The following AK4 variants were observed in gnomAD, a reference collection of about 807,000 sequenced individuals.
The protein encoded by AK4 is adenylate kinase 4, mitochondrial.
In AK4, 13 loss-of-function variants were observed where a neutral mutation model predicts 24.6. That is an observed-to-expected ratio of 0.53 (90% CI 0.34 to 0.84). The LOEUF is 0.84. AK4 is among the 40% of genes least tolerant of loss of function. The pLI is 0.01. For synonymous variants in AK4, 88 were observed against 107.0 expected, an observed-to-expected ratio of 0.82 and a Z score of 1.10; for missense variants, 192 against 288.2, an observed-to-expected ratio of 0.67 and a Z score of 2.42.
At chr1:65,178,284 ACTGCATAT>A (rs1484645797) in intron 1 of AK4, among the ~76,000 whole-genome samples, 2 of 152,204 alleles carry the variant, frequency 1.3e-5, no homozygotes, top group Non-Finnish European at 2.9e-5. Flanking sequence ...GTACAAGGCC[ACTGCATAT>A]GATTGTACAA....
chr1:65,158,533 G>A (rs1650050459), intron 1 of AK4, among the ~76,000 whole-genome samples: 1 of 152,056 alleles, frequency 6.6e-6, no homozygotes, highest in Admixed American at 6.6e-5. Flanking sequence ...CGGAGCCTCA[G>A]TCTGTTGCCC....
rs1652516649 is a variant in AK4, at chr1:65,227,982, G to GA, written c.*1807dup. 6.9e-6 allele frequency: 1 copy of GA among 144,192 alleles called. No homozygotes were observed. The highest frequency in any genetic ancestry group is 2.2e-4 in the South Asian group (1 of 4,648). The allele number at this position is 144,192 out of a possible 1,614,324, so 8.9% of individuals were successfully genotyped here. On this transcript the variant is annotated 3_prime_UTR_variant, in exon 5 of 5. Coordinates refer to ENST00000327299, the MANE Select transcript of AK4 (RefSeq NM_013410.4). ...GCAGTGAAAATGCCCAGTCAGGTCT[G>GA]AATCGTCAGTGCATTATATTGACTC... is the stretch of plus-strand genomic sequence containing the variant.
rs114165260 is a variant in AK4, at chr1:65,152,135, A to G, written c.145+3583A>G. 8.6e-3 allele frequency among the ~76,000 whole-genome samples: 1,305 copies of G among 152,030 alleles called. 21 individuals are homozygous for G. The highest frequency in any genetic ancestry group is 0.03 in the African/African-American group (1,248 of 41,454). ...TAATGATAGATTCTTTTATTGGGTC[A>G]TATCTAAAGGATATGCAAATCCTGT... is the stretch of plus-strand genomic sequence containing the variant. On this transcript the variant is annotated intron_variant, in intron 1 of 4. Transcript: ENST00000327299.
At chr1:65,181,251 C>T (rs1650895492) in intron 1 of AK4, among the ~76,000 whole-genome samples, 1 of 151,798 alleles carries the variant, frequency 6.6e-6, no homozygotes, top group African/African-American at 2.4e-5. Flanking sequence ...CCATCTCTCT[C>T]CTCCAGCACT....
intron 2 of AK4, among the ~76,000 whole-genome samples, chr1:65,203,039 A>G (rs1287432053): frequency 2.0e-5 from 3 of 151,870 alleles, no homozygotes; most frequent in East Asian, 3.9e-4. Flanking sequence ...CGCCTGGCCA[A>G]TTTTAAAACT....
intron 2 of AK4, among the ~76,000 whole-genome samples, chr1:65,202,884 TTTTTTA>T (rs1651705626): frequency 7.2e-6 from 1 of 138,912 alleles, no homozygotes. Flanking sequence ...TTTTTTTTTT[TTTTTTA>T]AGATGGGGTT....
At chr1:65,187,135 G>A (rs1435193839) in intron 1 of AK4, among the ~76,000 whole-genome samples, 4 of 152,016 alleles carry the variant, frequency 2.6e-5, no homozygotes, top group African/African-American at 7.2e-5. Context: ...TGAGGCGGGC[G>A]GATCATGAGG....
intron 3 of AK4, 104 bp downstream of exon 3, chr1:65,219,030 A>G: frequency 1.2e-6 from 1 of 811,834 alleles, no homozygotes; most frequent in Non-Finnish European, 1.7e-6. Context: ...AAAAAGAACA[A>G]ATCTACATGA....
intron 3 of AK4, among the ~76,000 whole-genome samples, chr1:65,224,325 T>G (rs1277024230): frequency 6.6e-6 from 1 of 152,202 alleles, no homozygotes; most frequent in South Asian, 2.1e-4. Flanking sequence ...TTAGTATTTT[T>G]CCTAAGTAAG....
intron 2 of AK4, among the ~76,000 whole-genome samples, chr1:65,216,978 G>A (rs1426176296): frequency 6.6e-6 from 1 of 152,214 alleles, no homozygotes; most frequent in East Asian, 1.9e-4. Context: ...TGAGATTACA[G>A]GTGTGAGCGA....
chr1:65,186,328 C>T (rs192080827), intron 1 of AK4, among the ~76,000 whole-genome samples: 6 of 152,084 alleles, frequency 3.9e-5, no homozygotes, highest in East Asian at 1.9e-4. Context: ...AGTAGGGCAA[C>T]GAGTTGCCCA....
At chr1:65,213,252 G>A (rs971906792) in intron 2 of AK4, among the ~76,000 whole-genome samples, 2 of 152,162 alleles carry the variant, frequency 1.3e-5, no homozygotes, top group African/African-American at 4.8e-5. Flanking sequence ...AAACCTCACC[G>A]TGATAAGGTA....
At chr1:65,195,693 G>A (rs1651444908) in intron 2 of AK4, among the ~76,000 whole-genome samples, 1 of 152,140 alleles carries the variant, frequency 6.6e-6, no homozygotes. Context: ...GAGGGGCAAA[G>A]TGAGCAAATA....
chr1:65,220,755 T>C lies in AK4; in HGVS notation c.438+1829T>C, dbSNP rs1652271303. 2.6e-5 allele frequency among the ~76,000 whole-genome samples: 4 copies of C among 152,296 alleles called. No homozygotes were observed. In the South Asian group the frequency reaches 8.3e-4, roughly 32 times the overall value. On this transcript the variant is annotated intron_variant, in intron 3 of 4. Transcript: ENST00000327299. ...CCTCCCAAAGTGCTGAGATGACAGG[T>C]ACGAGCCACTGCGCATGGCCCTGAA...
intron 1 of AK4, among the ~76,000 whole-genome samples, chr1:65,190,118 A>G (rs1273145019): frequency 6.6e-6 from 1 of 152,146 alleles, no homozygotes; most frequent in African/African-American, 2.4e-5. Context: ...TTTGTGGCCT[A>G]CCTCTAGGAA....
intron 1 of AK4, among the ~76,000 whole-genome samples, chr1:65,158,603 C>A (rs1303282472): frequency 6.6e-6 from 1 of 152,078 alleles, no homozygotes; most frequent in East Asian, 1.9e-4. Context: ...TGGGTTCAAG[C>A]GATTCTTGTG....
intron 3 of AK4, 100 bp from the exon 4 acceptor site, chr1:65,224,652 A>G: frequency 2.4e-6 from 2 of 816,522 alleles, no homozygotes; most frequent in Non-Finnish European, 4.1e-6. Flanking sequence ...ATCATGTGGT[A>G]GGAGTTAAAG....
chr1:65,208,792 A>G (rs1202850521), intron 2 of AK4, among the ~76,000 whole-genome samples: 1 of 152,168 alleles, frequency 6.6e-6, no homozygotes, highest in Non-Finnish European at 1.5e-5. Flanking sequence ...TCCAAATTAG[A>G]AAAACAGAAG....
chr1:65,211,017 A>G (rs550054376), intron 2 of AK4, among the ~76,000 whole-genome samples: 2 of 152,302 alleles, frequency 1.3e-5, no homozygotes, highest in South Asian at 4.1e-4. Flanking sequence ...GTCATGTGCA[A>G]AGATGCTCAT....
Sources: allele counts gnomAD v4.1 joint callset (sites outside exome capture counted in the v4.1 genomes callset), GRCh38; gene constraint gnomAD v4.1.1; transcripts MANE v1.5; gene names NCBI Gene and HGNC (gene_info 2026-07-23, HGNC 2026-07-21).